Variants in HTRA1 observed in about 807,000 individuals in gnomAD.
HTRA1 encodes the protein HtrA serine peptidase 1, also known as serine protease HTRA1.
HTRA1 carries 26 observed loss-of-function variants against 49.7 expected under a neutral mutation model. That is an observed-to-expected ratio of 0.52 (90% CI 0.38 to 0.73). HTRA1 has a LOEUF of 0.73. Ranked by LOEUF, HTRA1 falls within the 30% of genes least tolerant of loss-of-function variation. The pLI is 0.00. For synonymous variants in HTRA1, 291 were observed against 286.9 expected, an observed-to-expected ratio of 1.01 and a Z score of -0.14; for missense variants, 561 against 667.2, an observed-to-expected ratio of 0.84 and a Z score of 1.75.
At chr10:122,492,269 C>T (rs1410382068) in intron 3 of HTRA1, among the ~76,000 whole-genome samples, 1 of 152,178 alleles carries the variant, frequency 6.6e-6, no homozygotes, top group Non-Finnish European at 1.5e-5. Context: ...CTGGGCCCAG[C>T]TCCTCCCCTG....
In HTRA1 at chr10:122,510,123, T is replaced by C. The variant is rs1232480379; in HGVS notation, c.1148T>C (p.Ile383Thr). Residue 383 changes from isoleucine to threonine, a missense_variant, in exon 7 of 9, where the codon ATT becomes ACT. Ile to Thr is a moderately conservative substitution (Grantham distance 89). Coordinates refer to ENST00000368984, the MANE Select transcript of HTRA1 (RefSeq NM_002775.5). The part of the protein sequence containing the change: ...KGKAITKKKY[I>T]GIRMMSLTSS... ...AAAGCCATCACCAAGAAGAAGTATATTGGTATCCGAATGATGTCACTCACG... is the reference window on the plus strand; with the variant it reads ...AAAGCCATCACCAAGAAGAAGTATACTGGTATCCGAATGATGTCACTCACG... 6.2e-7 allele frequency: 1 copy of C among 1,614,088 alleles called. No individual in the cohort carries two copies. Among genetic ancestry groups the C allele is most frequent in the South Asian group, 1.1e-5 (1 of 91,074 alleles).
Position 122,462,124 on chromosome 10 carries a change from G to A in HTRA1, c.472G>A (p.Gly158Arg). 1 of 1,532,362 alleles carries A rather than the reference G, an allele frequency of 6.5e-7. No individual in the cohort carries two copies. Among genetic ancestry groups the A allele is most frequent in the Non-Finnish European group, 8.7e-7 (1 of 1,144,892 alleles). The allele number at this position is 1,532,362 out of a possible 1,614,324, so 94.9% of individuals were successfully genotyped here. The change falls in exon 1 of 9, where the codon GGG becomes AGG. Residue 158 changes from glycine to arginine, a missense_variant and splice_region_variant. Around this residue, in one of 3 missense-constraint regions of HTRA1, gnomAD observed 271 missense variants for 410.0 expected, o/e 0.66. Transcript: ENST00000368984. ...IVLQRGACGQ[G>R]QEDPNSLRHK... is the part of the protein sequence containing the mutation. ...CCTGCAGCGCGGAGCCTGCGGCCAA[G>A]GTACTCCGCCGCGCTCCTGGGCAGC...
intron 6 of HTRA1, among the ~76,000 whole-genome samples, chr10:122,509,477 A>T (rs910795260): frequency 4.6e-5 from 7 of 152,190 alleles, no homozygotes; most frequent in Non-Finnish European, 8.8e-5. Flanking sequence ...AGCATAGTTG[A>T]GTGAGCACAA....
At chr10:122,489,284 A>T in intron 2 of HTRA1, 138 bp from the exon 3 acceptor site, 1 of 864,628 alleles carries the variant, frequency 1.2e-6, no homozygotes, top group Non-Finnish European at 1.9e-6. Flanking sequence ...CAGGATGTTT[A>T]GTGTTTAAAT....
At chr10:122,495,604 G>T (rs1277714177) in intron 3 of HTRA1, among the ~76,000 whole-genome samples, 1 of 152,154 alleles carries the variant, frequency 6.6e-6, no homozygotes, top group East Asian at 1.9e-4. Flanking sequence ...CCGGATTCAA[G>T]AACTTAGTTG....
intron 3 of HTRA1, among the ~76,000 whole-genome samples, chr10:122,496,233 T>TTTTTTTTTG (rs2097498662): frequency 1.5e-5 from 1 of 67,692 alleles, no homozygotes; most frequent in Non-Finnish European, 2.9e-5. Context: ...GGGTTCTTTT[T>TTTTTTTTTG]TTTTTTTTTT....
At chr10:122,465,826 C>T (rs542559866) in intron 1 of HTRA1, among the ~76,000 whole-genome samples, 1 of 152,314 alleles carries the variant, frequency 6.6e-6, no homozygotes, top group East Asian at 1.9e-4. Context: ...TCCCCCATGT[C>T]CCAAAAGACC....
intron 1 of HTRA1, 72 bp from the exon 2 acceptor site, chr10:122,488,830 C>G (rs1359014804): frequency 8.1e-7 from 1 of 1,239,792 alleles, no homozygotes; most frequent in Non-Finnish European, 1.2e-6. Flanking sequence ...TTGGCTTCCT[C>G]TAACCCATGT....
At chr10:122,492,486 A>G (rs2097496327) in intron 3 of HTRA1, among the ~76,000 whole-genome samples, 1 of 151,980 alleles carries the variant, frequency 6.6e-6, no homozygotes, top group African/African-American at 2.4e-5. Context: ...GGCGTGCACC[A>G]CCATGCCTGG....
Position 122,461,681 on chromosome 10 carries a change from C to G in HTRA1, c.29C>G (p.Pro10Arg). Residue 10 changes from proline to arginine, a missense_variant, in exon 1 of 9, where the codon CCG becomes CGG. By Grantham distance (103) the Pro-to-Arg change is moderately radical. Transcript: ENST00000368984. ...CAGATCCCGCGCGCCGCTCTTCTCC[C>G]GCTGCTGCTGCTGCTGCTGGCGGCG... MQIPRAALL[P>R]LLLLLLAAPA... 3 of 1,307,198 alleles carry G rather than the reference C, an allele frequency of 2.3e-6. No individual in the cohort carries two copies. Among genetic ancestry groups the G allele is most frequent in the Non-Finnish European group, 3.0e-6 (3 of 1,012,712 alleles). The allele number at this position is 1,307,198 out of a possible 1,614,324, so 81.0% of individuals were successfully genotyped here. A position where few individuals can be genotyped will look rare whatever the true frequency, so the allele number is the denominator to read the frequency against.
At chr10:122,477,199 C>T (rs1390393346) in intron 1 of HTRA1, among the ~76,000 whole-genome samples, 2 of 152,108 alleles carry the variant, frequency 1.3e-5, no homozygotes, top group African/African-American at 2.4e-5. Context: ...GATCTCCTGA[C>T]CTCATGATCT....
In HTRA1 at chr10:122,510,117, A is replaced by G. The variant is rs1565436413; in HGVS notation, c.1142A>G (p.Lys381Arg). 1 of 1,614,036 alleles carries G rather than the reference A, an allele frequency of 6.2e-7. No individual in the cohort carries two copies. The highest frequency in any genetic ancestry group is 8.5e-7 in the Non-Finnish European group (1 of 1,179,894). Residue 381 changes from lysine (K) to arginine (R), a missense_variant, in exon 7 of 9, where the codon AAG becomes AGG. Physicochemically the swap from Lys to Arg is conservative, Grantham distance 26 (BLOSUM62 2). Transcript: ENST00000368984. ...CCAGGAAAAGCCATCACCAAGAAGA[A>G]GTATATTGGTATCCGAATGATGTCA... ...QAKGKAITKK[K>R]YIGIRMMSLT... is the part of the protein sequence containing the mutation.
At chr10:122,495,550 G>C (rs2097498227) in intron 3 of HTRA1, among the ~76,000 whole-genome samples, 2 of 152,144 alleles carry the variant, frequency 1.3e-5, no homozygotes, top group Admixed American at 6.5e-5. Flanking sequence ...AAACGTTTCA[G>C]TTCCCCAAAC....
Position 122,461,630 on chromosome 10 carries a change from C to A in HTRA1, c.-23C>A. 8.1e-6 allele frequency: 10 copies of A among 1,235,882 alleles called. No individual in the cohort carries two copies. The highest frequency in any genetic ancestry group is 1.0e-5 in the Non-Finnish European group (10 of 956,874). The allele number at this position is 1,235,882 out of a possible 1,614,324, so 76.6% of individuals were successfully genotyped here. A position where few individuals can be genotyped will look rare whatever the true frequency, so the allele number is the denominator to read the frequency against. On this transcript the variant is annotated 5_prime_UTR_variant, in exon 1 of 9. Transcript: ENST00000368984. ...CCGGCCCTCGCCCTGTCCGCCGCCA[C>A]CGCCGCCGCCGCCAGAGTCGCCATG...
At chr10:122,497,832 G>A (rs1339174076) in intron 3 of HTRA1, among the ~76,000 whole-genome samples, 1 of 152,168 alleles carries the variant, frequency 6.6e-6, no homozygotes, top group Non-Finnish European at 1.5e-5. Context: ...TGCTGTTGTA[G>A]CAGCATCAGC....
At chr10:122,485,453 T>C (rs2268344) in intron 1 of HTRA1, among the ~76,000 whole-genome samples, 32,947 of 152,106 alleles carry the variant, frequency 0.22, 3,785 homozygotes, top group South Asian at 0.42. Context: ...TGCAGCACGC[T>C]GGGGAGAGGA....
Position 122,489,641 on chromosome 10 carries a change from G to A in HTRA1, c.777+15G>A, listed in dbSNP as rs765666760. 2.9e-5 allele frequency: 47 copies of A among 1,609,644 alleles called. No homozygotes were observed. Among genetic ancestry groups the A allele is most frequent in the Admixed American group, 6.7e-5 (4 of 59,902 alleles). On this transcript the variant is annotated intron_variant, in intron 3 of 8. Coordinates refer to ENST00000368984, the MANE Select transcript of HTRA1 (RefSeq NM_002775.5). ...TTGACCACCAGGTAAGGGTGTTCTC[G>A]CCTGCAGAGGTGAGTTCTCAGATGC...
At chr10:122,512,470 C>A (rs143790902) in intron 8 of HTRA1, among the ~76,000 whole-genome samples, 1 of 152,128 alleles carries the variant, frequency 6.6e-6, no homozygotes, top group Non-Finnish European at 1.5e-5. Flanking sequence ...GACAATTAGG[C>A]CCATACCTGT....
chr10:122,481,128 T>A (rs2097490808), intron 1 of HTRA1, among the ~76,000 whole-genome samples: 1 of 152,136 alleles, frequency 6.6e-6, no homozygotes. Context: ...ATTATTATGA[T>A]CAATTCAATA....
Sources: gnomAD v4.1 joint callset for allele counts (sites outside exome capture counted in the v4.1 genomes callset) on GRCh38, gnomAD v4.1.1 for gene constraint, gnomAD v4.1.1 regional missense constraint, MANE v1.5 for transcripts, NCBI Gene and HGNC (gene_info 2026-07-23, HGNC 2026-07-21) for gene names.